The following AGFG2 variants were observed in gnomAD, a reference collection of about 807,000 sequenced individuals.
The protein encoded by AGFG2 is ArfGAP with FG repeats 2.
AGFG2 carries 31 observed loss-of-function variants against 48.0 expected under a neutral mutation model. The ratio of observed to expected loss-of-function variants is 0.65; its 90% CI spans 0.49 to 0.87. The LOEUF is 0.87. Ranked by LOEUF, AGFG2 falls within the 40% of genes least tolerant of loss-of-function variation. AGFG2 has a pLI of 0.00. For missense variants in AGFG2, 599 were observed against 632.6 expected (o/e 0.95, Z 0.57); for synonymous variants, 229 against 260.8 (o/e 0.88, Z 1.18).
In AGFG2 at chr7:100,561,428, A is replaced by G. The variant is rs546940123; in HGVS notation, c.878-831A>G. Among the ~76,000 whole-genome samples the G allele has an allele frequency of 1.6e-3, 239 of 152,280 alleles. 1 individual carries two copies. Among genetic ancestry groups the G allele is most frequent in the African/African-American group, 5.4e-3 (225 of 41,544 alleles). On this transcript the variant is annotated intron_variant, in intron 6 of 11. Transcript: ENST00000300176. ...AGGCATGAACTGCCGCGTCCTGTCA[A>G]TAAAGCCTCTTTCCATCTGGACCCT...
intron 6 of AGFG2, among the ~76,000 whole-genome samples, chr7:100,559,150 T>C (rs974815878): frequency 9.9e-5 from 15 of 152,020 alleles, no homozygotes; most frequent in Non-Finnish European, 1.9e-4. Flanking sequence ...AAACAGTCAA[T>C]CTACAGCCAA....
At chr7:100,544,417 C>T (rs929390234) in intron 1 of AGFG2, among the ~76,000 whole-genome samples, 1 of 152,108 alleles carries the variant, frequency 6.6e-6, no homozygotes, top group African/African-American at 2.4e-5. Context: ...CTTTCCCTGT[C>T]GGGCTTGCTG....
chr7:100,551,047 T>C (rs1584384301), intron 3 of AGFG2, among the ~76,000 whole-genome samples: 1 of 76,678 alleles, frequency 1.3e-5, no homozygotes, highest in South Asian at 4.3e-4. Flanking sequence ...TATATATATA[T>C]ATATATATAT....
intron 1 of AGFG2, among the ~76,000 whole-genome samples, chr7:100,541,434 C>G (rs939979079): frequency 6.6e-6 from 1 of 151,544 alleles, no homozygotes; most frequent in African/African-American, 2.4e-5. Flanking sequence ...GATAGAGACT[C>G]GAGAGTGGGT....
chr7:100,540,810 G>A (rs1014992309), intron 1 of AGFG2, among the ~76,000 whole-genome samples: 1 of 151,862 alleles, frequency 6.6e-6, no homozygotes, highest in African/African-American at 2.4e-5. Context: ...TCAAGAGATC[G>A]AGACCATCCT....
In AGFG2 at chr7:100,563,823, TCA is replaced by T; in HGVS notation, c.1172-9_1172-8del. On this transcript the variant is annotated splice_polypyrimidine_tract_variant and intron_variant, in intron 9 of 11. Transcript: ENST00000300176. Reference sequence around the variant, plus strand: ...GAAGTTCACCTGAGCCTCCCGTCTTTCACTCCATAGGGCCCGGCTTTGGGATG... The same window carrying T: ...GAAGTTCACCTGAGCCTCCCGTCTTTCTCCATAGGGCCCGGCTTTGGGATG... The T allele has an allele frequency of 2.5e-6, 4 of 1,610,892 alleles. No individual in the cohort carries two copies. The highest frequency in any genetic ancestry group is 3.4e-6 in the Non-Finnish European group (4 of 1,179,918).
chr7:100,553,548 A>G (rs1280952710), intron 4 of AGFG2, 48 bp downstream of exon 4: 1 of 1,560,430 alleles, frequency 6.4e-7, no homozygotes, highest in South Asian at 1.2e-5. Context: ...TTTGGGAGAC[A>G]GGAGTGTCAG....
rs1800982540 is a variant in AGFG2 at position 100,565,269 on chromosome 7, A to G, written c.*278A>G. On this transcript the variant is annotated 3_prime_UTR_variant, in exon 12 of 12. Coordinates refer to ENST00000300176, the MANE Select transcript of AGFG2 (RefSeq NM_006076.5). ...TGGTTGAGGGGGAGGGATTTTTTTC[A>G]AATGATCAGTCCCCTGTGGAACAGC... The G allele has an allele frequency of 1.1e-5, 6 of 531,574 alleles. No homozygotes were observed. Among genetic ancestry groups the G allele is most frequent in the Admixed American group, 3.2e-5 (1 of 31,368 alleles). 32.9% of individuals were successfully genotyped at this position (531,574 alleles called of 1,614,324 possible).
At position 100,548,820 on chromosome 7, in the gene AGFG2, A is replaced by T; in HGVS notation, c.222-2A>T. ...CTCTTTCTTCCTGTTTCTCTCCCATAGGAGAGGGCTGAACCCCCCTCATCG... is the reference window on the plus strand; with the variant it reads ...CTCTTTCTTCCTGTTTCTCTCCCATTGGAGAGGGCTGAACCCCCCTCATCG... On this transcript the variant is annotated splice_acceptor_variant, in intron 1 of 11. Coordinates refer to ENST00000300176, the MANE Select transcript of AGFG2 (RefSeq NM_006076.5). LOFTEE classifies it high-confidence loss of function. The T allele has an allele frequency of 6.2e-7, 1 of 1,607,692 alleles. No individual in the cohort carries two copies. Among genetic ancestry groups the T allele is most frequent in the Non-Finnish European group, 8.5e-7 (1 of 1,174,496 alleles).
chr7:100,539,556 C>CT lies in AGFG2; in HGVS notation c.211dup (p.Ser71PhefsTer23). On this transcript the variant is annotated frameshift_variant, in exon 1 of 12. Transcript: ENST00000300176. LOFTEE classifies it high-confidence loss of function. ...TGGGCAGCTTCGTGTGCACCACCTG[C>CT]TCCGGCCTCCTGTGAGTGACCGGGA... The CT allele has an allele frequency of 8.0e-7, 1 of 1,253,470 alleles. No individual in the cohort carries two copies. The highest frequency in any genetic ancestry group is 1.0e-6 in the Non-Finnish European group (1 of 991,166). The allele number at this position is 1,253,470 out of a possible 1,614,324, so 77.6% of individuals were successfully genotyped here.
chr7:100,548,747 C>T, intron 1 of AGFG2, 75 bp from the exon 2 acceptor site: 2 of 1,135,412 alleles, frequency 1.8e-6, no homozygotes, highest in East Asian at 2.4e-5. Flanking sequence ...TTTCTCCCTC[C>T]TCCTCCTCCT....
At chr7:100,547,250 C>G (rs1584381565) in intron 1 of AGFG2, among the ~76,000 whole-genome samples, 1 of 150,612 alleles carries the variant, frequency 6.6e-6, no homozygotes, top group Non-Finnish European at 1.5e-5. Flanking sequence ...TGTGTGTGCA[C>G]CTGTTAGTGT....
intron 1 of AGFG2, among the ~76,000 whole-genome samples, chr7:100,544,088 T>C (rs1800470184): frequency 6.6e-6 from 1 of 152,216 alleles, no homozygotes; most frequent in South Asian, 2.1e-4. Flanking sequence ...CCTGAATGCG[T>C]CTGTGAATGA....
chr7:100,551,051 TA>T (rs1562791792), intron 3 of AGFG2, among the ~76,000 whole-genome samples: 6 of 84,734 alleles, frequency 7.1e-5, no homozygotes, highest in African/African-American at 2.5e-4. Context: ...TATATATATA[TA>T]TATATATATA....
intron 1 of AGFG2, among the ~76,000 whole-genome samples, chr7:100,548,271 C>T (rs989078850): frequency 6.6e-6 from 1 of 151,694 alleles, no homozygotes; most frequent in Non-Finnish European, 1.5e-5. Flanking sequence ...GTTCCTGACT[C>T]TCTCTTCCCT....
Position 100,565,068 on chromosome 7 carries a change from G to T in AGFG2, c.*77G>T. ...CTAGAGCTCTGGTGACCACTTGCCT[G>T]TGGGCATTTCTATGGGCCTTGGGGA... is the stretch of plus-strand genomic sequence containing the variant. On this transcript the variant is annotated 3_prime_UTR_variant, in exon 12 of 12. Transcript: ENST00000300176. The T allele has an allele frequency of 1.3e-6, 2 of 1,502,130 alleles. No homozygotes were observed. Among genetic ancestry groups the T allele is most frequent in the Non-Finnish European group, 9.3e-7 (1 of 1,078,400 alleles). 93.1% of individuals were successfully genotyped at this position (1,502,130 alleles called of 1,614,324 possible).
chr7:100,544,145 A>G (rs964699078), intron 1 of AGFG2, among the ~76,000 whole-genome samples: 1 of 152,228 alleles, frequency 6.6e-6, no homozygotes, highest in Non-Finnish European at 1.5e-5. Flanking sequence ...CTGAGATCTC[A>G]TTGACACAAG....
rs1277576216 is a variant in AGFG2, at chr7:100,562,334, G to T, written c.953G>T (p.Gly318Val). ...ASQPNSLADV[G>V]SFLGPGVPAA... ...CAGCCAAACAGCCTCGCAGACGTGG[G>T]CAGCTTCCTGGGACCCGGGGTGCCC... The change falls in exon 7 of 12, where the codon GGC becomes GTC. Residue 318 changes from glycine to valine, a missense_variant. Gly to Val is a moderately radical substitution (Grantham distance 109). Transcript: ENST00000300176. This position sits in a 1 kb window ranked among gnomAD's most constrained non-coding sequence, Gnocchi z 5.4. The T allele has an allele frequency of 2.5e-6, 4 of 1,614,118 alleles. No homozygotes were observed. The highest frequency in any genetic ancestry group is 3.4e-6 in the Non-Finnish European group (4 of 1,180,014).
chr7:100,545,315 A>G (rs1239395557), intron 1 of AGFG2, among the ~76,000 whole-genome samples: 2 of 152,206 alleles, frequency 1.3e-5, no homozygotes, highest in African/African-American at 4.8e-5. Context: ...AATATGGGCC[A>G]GCATGAGGGT....
Sources: allele counts gnomAD v4.1 joint callset (sites outside exome capture counted in the v4.1 genomes callset), GRCh38; gene constraint gnomAD v4.1.1; non-coding constraint Gnocchi (gnomAD v3.1); transcripts MANE v1.5; gene names NCBI Gene and HGNC (gene_info 2026-07-23, HGNC 2026-07-21).